Variants in ASXL3 observed in about 807,000 individuals in gnomAD.
The protein encoded by ASXL3 is putative Polycomb group protein ASXL3.
A neutral mutation model predicts 170.6 loss-of-function variants in ASXL3; 34 were observed. The observed-to-expected ratio is 0.20, with a 90% CI of 0.15 to 0.27. The LOEUF (loss-of-function observed/expected upper bound fraction) is 0.27, where lower values mean the gene tolerates loss of function less well. Among genes scored for constraint, ASXL3 ranks in the 10% least tolerant of loss-of-function variants. The pLI is 1.00. For missense variants in ASXL3, 2,592 were observed against 2,695.3 expected (o/e 0.96, Z 0.85); for synonymous variants, 1,002 against 989.1 (o/e 1.01, Z -0.24).
intron 1 of ASXL3, among the ~76,000 whole-genome samples, chr18:33,590,779 C>A (rs1020506752): frequency 6.6e-6 from 1 of 152,090 alleles, no homozygotes; most frequent in African/African-American, 2.4e-5. Flanking sequence ...GATTTCTGTT[C>A]TATTTTCCCC....
intron 2 of ASXL3, among the ~76,000 whole-genome samples, chr18:33,617,954 C>T (rs530476235): frequency 2.0e-5 from 3 of 152,176 alleles, no homozygotes; most frequent in African/African-American, 7.2e-5. Context: ...TTCTCTTCCT[C>T]TCTTATTTCA....
At chr18:33,652,419 T>C (rs758238404) in intron 4 of ASXL3, among the ~76,000 whole-genome samples, 1 of 151,866 alleles carries the variant, frequency 6.6e-6, no homozygotes, top group Non-Finnish European at 1.5e-5. Flanking sequence ...GGCCCTAATA[T>C]AGTTCAGGCT....
intron 5 of ASXL3, among the ~76,000 whole-genome samples, chr18:33,669,793 T>C (rs1361930885): frequency 6.6e-6 from 1 of 152,210 alleles, no homozygotes; most frequent in Admixed American, 6.5e-5. Flanking sequence ...TTTAACCTTT[T>C]GAGGAGTTTT....
At chr18:33,734,275 C>T (rs2067507959) in intron 9 of ASXL3, 35 bp from the exon 10 acceptor site, 1 of 1,414,500 alleles carries the variant, frequency 7.1e-7, no homozygotes, top group African/African-American at 1.5e-5. Context: ...AAGATGTGAC[C>T]ACATTTATTC....
chr18:33,696,251 C>T (rs1156617177), intron 8 of ASXL3, among the ~76,000 whole-genome samples: 4 of 151,966 alleles, frequency 2.6e-5, no homozygotes, highest in Non-Finnish European at 2.9e-5. Flanking sequence ...ACTTTGATTC[C>T]AGTTGTAAAA....
chr18:33,743,884 A>G lies in ASXL3; in HGVS notation c.4036A>G (p.Ile1346Val), dbSNP rs61995734. 28,829 of 1,613,972 alleles carry G rather than the reference A, an allele frequency of 0.018. 366 individuals are homozygous for G. Among genetic ancestry groups the G allele is most frequent in the African/African-American group, 0.061 (4,573 of 75,036 alleles). The stretch of plus-strand genomic sequence containing the variant: ...GTACACCTCTGTGCCAACTCCCTCC[A>G]TCGGAAACAATTTGCCAAACCTCTC... ...TQYTSVPTPS[I>V]GNNLPNLSTS... is the part of the protein sequence containing the mutation. Residue 1346 changes from isoleucine (I) to valine (V), a missense_variant, in exon 12 of 12, where the codon ATC becomes GTC. Ile to Val is a conservative substitution (Grantham distance 29). Coordinates refer to ENST00000269197, the MANE Select transcript of ASXL3 (RefSeq NM_030632.3).
In ASXL3 at chr18:33,663,125, T is replaced by G. The variant is rs559415343; in HGVS notation, c.477+1388T>G. ...CAGAGAACAAAATTGAAATTGGTGTTGAGATCCCTTTTTAATTGATGAAAT... is the reference window on the plus strand; with the variant it reads ...CAGAGAACAAAATTGAAATTGGTGTGGAGATCCCTTTTTAATTGATGAAAT... On this transcript the variant is annotated intron_variant, in intron 5 of 11. Coordinates refer to ENST00000269197, the MANE Select transcript of ASXL3 (RefSeq NM_030632.3). 2.0e-5 allele frequency among the ~76,000 whole-genome samples: 3 copies of G among 152,298 alleles called. No homozygotes were observed. In the East Asian group the frequency reaches 5.8e-4, roughly 29 times the overall value.
At chr18:33,707,481 A>G (rs2066980414) in intron 8 of ASXL3, among the ~76,000 whole-genome samples, 1 of 151,432 alleles carries the variant, frequency 6.6e-6, no homozygotes, top group Admixed American at 6.6e-5. Flanking sequence ...TGGTATTATA[A>G]ATTGTTGCTA....
At chr18:33,588,361 T>TTC (rs2065051042) in intron 1 of ASXL3, among the ~76,000 whole-genome samples, 1 of 148,586 alleles carries the variant, frequency 6.7e-6, no homozygotes, top group African/African-American at 2.4e-5. Flanking sequence ...AGGAGCAGGT[T>TTC]TTTTTTTTTT....
In ASXL3 at chr18:33,611,961, T is replaced by C. The variant is rs145218538; in HGVS notation, c.137+4285T>C. 1.2e-4 allele frequency among the ~76,000 whole-genome samples: 18 copies of C among 152,118 alleles called. No individual in the cohort carries two copies. In the East Asian group the frequency reaches 3.1e-3, roughly 26 times the overall value. On this transcript the variant is annotated intron_variant, in intron 2 of 11. Coordinates refer to ENST00000269197, the MANE Select transcript of ASXL3 (RefSeq NM_030632.3). ...TTCCAAAGAAATGTGTGCTCTGTTATAGTAACATATCCAGGGGCTGCAAGG... is the reference window on the plus strand; with the variant it reads ...TTCCAAAGAAATGTGTGCTCTGTTACAGTAACATATCCAGGGGCTGCAAGG...
chr18:33,683,827 A>G (rs528981864), intron 8 of ASXL3, among the ~76,000 whole-genome samples: 3 of 152,304 alleles, frequency 2.0e-5, no homozygotes, highest in South Asian at 4.1e-4. Flanking sequence ...AGGGAAAACA[A>G]AGAAATCAAA....
chr18:33,737,605 T>G (rs1206606428), intron 10 of ASXL3, among the ~76,000 whole-genome samples: 1 of 152,152 alleles, frequency 6.6e-6, no homozygotes, highest in Non-Finnish European at 1.5e-5. Flanking sequence ...ATGGAATATC[T>G]TTACAGTAAG....
chr18:33,708,397 A>G (rs1302355509), intron 8 of ASXL3, among the ~76,000 whole-genome samples: 1 of 152,228 alleles, frequency 6.6e-6, no homozygotes, highest in Non-Finnish European at 1.5e-5. Context: ...ACATGTTGAT[A>G]AACTTTGACA....
intron 1 of ASXL3, among the ~76,000 whole-genome samples, chr18:33,607,211 ATG>A (rs1417069894): frequency 1.4e-4 from 21 of 151,946 alleles, no homozygotes; most frequent in Non-Finnish European, 3.1e-4. Flanking sequence ...TTCAGGCTCC[ATG>A]TTTCCAAGGA....
intron 8 of ASXL3, among the ~76,000 whole-genome samples, chr18:33,720,709 A>G (rs997998290): frequency 2.8e-4 from 42 of 152,154 alleles, no homozygotes; most frequent in Middle Eastern, 3.4e-3. Context: ...AATTGTGGAG[A>G]AGCTGGTGAA....
At chr18:33,661,922 C>T (rs187227684) in intron 5 of ASXL3, among the ~76,000 whole-genome samples, 185 bp downstream of exon 5, 97 of 151,850 alleles carry the variant, frequency 6.4e-4, no homozygotes, top group Non-Finnish European at 1.0e-3. Flanking sequence ...AGAGGCTTGA[C>T]TGAGAACTTT....
At chr18:33,656,771 G>A (rs879866813) in intron 4 of ASXL3, among the ~76,000 whole-genome samples, 7 of 151,860 alleles carry the variant, frequency 4.6e-5, no homozygotes, top group Non-Finnish European at 1.0e-4. Context: ...ATTGACTTTA[G>A]AATAATTTGA....
chr18:33,723,621 G>A (rs1240620942), intron 8 of ASXL3, among the ~76,000 whole-genome samples: 1 of 152,154 alleles, frequency 6.6e-6, no homozygotes, highest in Non-Finnish European at 1.5e-5. Flanking sequence ...GAACATCGTT[G>A]AAGTAAAAAC....
intron 7 of ASXL3, 58 bp from the exon 8 acceptor site, chr18:33,683,347 T>A: frequency 6.8e-7 from 1 of 1,473,320 alleles, no homozygotes; most frequent in Non-Finnish European, 9.2e-7. Context: ...TGTGTGTACG[T>A]ACGTACACGT....
Sources: gnomAD v4.1 joint callset for allele counts (sites outside exome capture counted in the v4.1 genomes callset) on GRCh38, gnomAD v4.1.1 for gene constraint, MANE v1.5 for transcripts, NCBI Gene and HGNC (gene_info 2026-07-23, HGNC 2026-07-21) for gene names.